The following ATP2B1 variants were observed in gnomAD, a reference collection of about 807,000 sequenced individuals.
ATP2B1 encodes plasma membrane calcium-transporting ATPase 1.
A neutral mutation model predicts 124.2 loss-of-function variants in ATP2B1; 14 were observed. The observed-to-expected ratio is 0.11, with a 90% confidence interval of 0.07 to 0.18. The LOEUF is 0.18. Ranked by LOEUF, ATP2B1 falls within the 10% of genes least tolerant of loss-of-function variation. The pLI is 1.00. For synonymous variants in ATP2B1, 449 were observed against 492.4 expected (o/e 0.91, Z 1.17); for missense variants, 763 against 1,466.1 (o/e 0.52, Z 7.83).
At chr12:89,685,817 T>C (rs191011949) in intron 1 of ATP2B1, among the ~76,000 whole-genome samples, 142 of 152,192 alleles carry the variant, frequency 9.3e-4, no homozygotes, top group African/African-American at 3.2e-3. Context: ...ACAGGTCTTA[T>C]GGGTGGGACC....
At chr12:89,668,718 A>G (rs12315444) in intron 1 of ATP2B1, among the ~76,000 whole-genome samples, 2,087 of 152,310 alleles carry the variant, frequency 0.014, 40 homozygotes, top group African/African-American at 0.044. Context: ...CAGATCATAC[A>G]TGTAGTAGAC....
At chr12:89,697,414 C>G (rs1385217487) in intron 1 of ATP2B1, among the ~76,000 whole-genome samples, 1 of 152,156 alleles carries the variant, frequency 6.6e-6, no homozygotes, top group Non-Finnish European at 1.5e-5. Context: ...TATCCATAGA[C>G]TGTCTTCACT....
At chr12:89,651,991 G>A (rs899809770) in intron 2 of ATP2B1, among the ~76,000 whole-genome samples, 3 of 152,136 alleles carry the variant, frequency 2.0e-5, no homozygotes, top group African/African-American at 7.2e-5. Flanking sequence ...TTTTGCTTAA[G>A]AAATGTCTTG....
rs962360763 is a variant in ATP2B1, at chr12:89,655,733, T to G, written c.154A>C (p.Ser52Arg). ...STDALRKIQESYGDVYGICTK... is the reference protein window; with the variant it reads ...STDALRKIQERYGDVYGICTK... ...CAAATTCCATAGACATCTCCATAGC[T>G]TTCCTGTATTTTTCGTAATGCATCT... Residue 52 changes from serine to arginine, a missense_variant, in exon 2 of 21, where the codon AGC becomes CGC. This residue lies in a region of ATP2B1 where 93 missense variants were observed against 112.7 expected (regional missense o/e 0.83). Transcript: ENST00000428670. The G allele has an allele frequency of 2.5e-6, 4 of 1,614,048 alleles. No individual in the cohort carries two copies. Among genetic ancestry groups the G allele is most frequent in the Non-Finnish European group, 3.4e-6 (4 of 1,180,012 alleles).
intron 1 of ATP2B1, among the ~76,000 whole-genome samples, chr12:89,665,516 T>C (rs1182453674): frequency 6.6e-6 from 1 of 152,198 alleles, no homozygotes; most frequent in East Asian, 1.9e-4. Flanking sequence ...AGTTTCCTAG[T>C]AAAATAAGCT....
chr12:89,638,107 G>A (rs1271326073), intron 3 of ATP2B1, among the ~76,000 whole-genome samples: 1 of 151,972 alleles, frequency 6.6e-6, no homozygotes, highest in Non-Finnish European at 1.5e-5. Flanking sequence ...AGGGGAAAAA[G>A]GATCAAAGTT....
chr12:89,658,654 A>AGAGAGAGG (rs1565882860), intron 1 of ATP2B1, among the ~76,000 whole-genome samples: 1 of 148,698 alleles, frequency 6.7e-6, no homozygotes, highest in African/African-American at 2.5e-5. Context: ...AGAGATAGAG[A>AGAGAGAGG]TAGCATGTGG....
chr12:89,627,063 TACTA>T (rs1387068035), intron 7 of ATP2B1, among the ~76,000 whole-genome samples: 4 of 152,192 alleles, frequency 2.6e-5, no homozygotes, highest in African/African-American at 9.7e-5. Context: ...GCATTTTTGC[TACTA>T]ACTATATAAT....
intron 1 of ATP2B1, among the ~76,000 whole-genome samples, chr12:89,685,542 G>A (rs1019049779): frequency 3.3e-5 from 5 of 152,094 alleles, no homozygotes; most frequent in Non-Finnish European, 5.9e-5. Flanking sequence ...GAGCTTGGCA[G>A]AAATGCAAAT....
chr12:89,643,178 ATATG>A (rs201759290), intron 2 of ATP2B1, among the ~76,000 whole-genome samples: 1,752 of 150,766 alleles, frequency 0.012, 30 homozygotes, highest in African/African-American at 0.038. Context: ...GTATATATGT[ATATG>A]TATGTATATA....
At chr12:89,670,402 G>C (rs1344937640) in intron 1 of ATP2B1, among the ~76,000 whole-genome samples, 1 of 144,848 alleles carries the variant, frequency 6.9e-6, no homozygotes, top group Non-Finnish European at 1.5e-5. Flanking sequence ...TACGCATTCT[G>C]ACTTTTTGTA....
intron 2 of ATP2B1, among the ~76,000 whole-genome samples, chr12:89,644,187 A>T (rs1884089770): frequency 6.6e-6 from 1 of 152,150 alleles, no homozygotes. Context: ...CCAGGATAAC[A>T]TCATTTTTGA....
rs773593693 is a variant in ATP2B1 at position 89,631,814 on chromosome 12, C to CT, written c.788-1170dup. On this transcript the variant is annotated intron_variant, in intron 5 of 20. Transcript: ENST00000428670. The stretch of plus-strand genomic sequence containing the variant: ...TAGAAACTTGCCCAAGGTTATACAA[C>CT]TTTTTTTTTTTTTTTGTAGAGACAG... Among the ~76,000 whole-genome samples, 644 of 144,506 alleles carry CT rather than the reference C, an allele frequency of 4.5e-3. 2 individuals carry two copies. Among genetic ancestry groups the CT allele is most frequent in the African/African-American group, 8.7e-3 (343 of 39,652 alleles). 94.8% of individuals were successfully genotyped at this position (144,506 alleles called of 152,430 possible). A position where few individuals can be genotyped will look rare whatever the true frequency, so the allele number is the denominator to read the frequency against.
intron 3 of ATP2B1, among the ~76,000 whole-genome samples, chr12:89,640,798 A>T (rs1270126426): frequency 2.6e-5 from 4 of 151,928 alleles, no homozygotes; most frequent in African/African-American, 9.7e-5. Context: ...CCTCAAGGCC[A>T]CCTCTTGCTC....
intron 3 of ATP2B1, among the ~76,000 whole-genome samples, chr12:89,637,001 T>C (rs886772799): frequency 2.6e-5 from 4 of 152,230 alleles, no homozygotes; most frequent in Non-Finnish European, 1.5e-5. Flanking sequence ...AGATTAACTC[T>C]GAATTAGAGC....
intron 20 of ATP2B1, chr12:89,598,729 A>G (rs1317316459): frequency 1.2e-6 from 2 of 1,613,968 alleles, no homozygotes; most frequent in African/African-American, 2.7e-5. Context: ...TCTGGAAAGC[A>G]TTCACTACAT....
At chr12:89,646,927 G>A (rs1314168775) in intron 2 of ATP2B1, among the ~76,000 whole-genome samples, 1 of 152,114 alleles carries the variant, frequency 6.6e-6, no homozygotes, top group Non-Finnish European at 1.5e-5. Flanking sequence ...AGGAGATGAA[G>A]GGTAATACCA....
In ATP2B1 at chr12:89,620,177, C is replaced by T. The variant is rs1306801998; in HGVS notation, c.1651G>A (p.Gly551Arg). The change falls in exon 11 of 21, where the codon GGA becomes AGA. Residue 551 changes from glycine to arginine, a missense_variant. By Grantham distance (125) the Gly-to-Arg change is moderately radical. Coordinates refer to ENST00000428670, the MANE Select transcript of ATP2B1 (RefSeq NM_001366521.1). ...TCCCGTTTTAAATCCAAAAGAAGTCCCAACAAGGCACATTCAGTTTTATTA... is the reference window on the plus strand; with the variant it reads ...TCCCGTTTTAAATCCAAAAGAAGTCTCAACAAGGCACATTCAGTTTTATTA... The part of the protein sequence containing the change: ...VGNKTECALL[G>R]LLLDLKRDYQ... 2 of 1,613,918 alleles carry T rather than the reference C, an allele frequency of 1.2e-6. No individual in the cohort carries two copies. Among genetic ancestry groups the T allele is most frequent in the Non-Finnish European group, 1.7e-6 (2 of 1,179,956 alleles).
intron 15 of ATP2B1, among the ~76,000 whole-genome samples, chr12:89,608,254 C>T (rs1592727935): frequency 1.3e-5 from 2 of 152,192 alleles, no homozygotes; most frequent in Middle Eastern, 3.4e-3. Flanking sequence ...CTGCAGCCTG[C>T]GCCTCCTGGG....
Sources: allele counts gnomAD v4.1 joint callset (sites outside exome capture counted in the v4.1 genomes callset), GRCh38; gene constraint gnomAD v4.1.1; regional missense constraint gnomAD v4.1.1; transcripts MANE v1.5; gene names NCBI Gene and HGNC (gene_info 2026-07-23, HGNC 2026-07-21).